CHUK: variants seen among roughly 807,000 people sequenced by gnomAD.
CHUK encodes component of inhibitor of nuclear factor kappa B kinase complex.
CHUK carries 35 observed loss-of-function variants against 104.8 expected under a neutral mutation model. The ratio of observed to expected loss-of-function variants is 0.33; its 90% CI spans 0.26 to 0.44. The LOEUF (loss-of-function observed/expected upper bound fraction) is 0.44. Ranked by LOEUF, CHUK falls within the 20% of genes least tolerant of loss-of-function variation. CHUK has a pLI of 1.00. For missense variants in CHUK, 663 were observed against 902.7 expected (o/e 0.73, Z 3.40); for synonymous variants, 276 against 291.9 (o/e 0.95, Z 0.56).
At position 100,229,576 on chromosome 10, in the gene CHUK, G is replaced by T; in HGVS notation, c.-44C>A. The T allele has an allele frequency of 7.9e-7, 1 of 1,266,062 alleles. No homozygotes were observed. The highest frequency in any genetic ancestry group is 1.1e-6 in the Non-Finnish European group (1 of 917,076). 78.4% of individuals were successfully genotyped at this position (1,266,062 alleles called of 1,614,324 possible). A position where few individuals can be genotyped will look rare whatever the true frequency, so the allele number is the denominator to read the frequency against. On this transcript the variant is annotated 5_prime_UTR_variant, in exon 1 of 21. Transcript: ENST00000370397. ...GCCTCAGGTTCCACAGTTGTTCCAA[G>T]GCCGGTTCCGGGCCGCCGATGCTCG...
rs1845559884 is a variant in CHUK at position 100,205,108 on chromosome 10, A to G, written c.1323T>C (p.Tyr441=). 1 of 1,614,160 alleles carries G rather than the reference A, an allele frequency of 6.2e-7. No individual in the cohort carries two copies. Among genetic ancestry groups the G allele is most frequent in the Non-Finnish European group, 8.5e-7 (1 of 1,179,990 alleles). ...VHYVSGLKED[Y]SRLFQGQRAA... ...CCCTTTGTCCCTGAAAGAGCCTGCT[A>G]TAGTCTTCTTTTAGTCCAGACACAT... The change falls in exon 12 of 21, where the codon TAT becomes TAC. Residue 441 remains tyrosine, a synonymous_variant. Coordinates refer to ENST00000370397, the MANE Select transcript of CHUK (RefSeq NM_001278.5).
intron 9 of CHUK, among the ~76,000 whole-genome samples, 191 bp downstream of exon 9, chr10:100,217,804 G>A (rs1320626769): frequency 6.6e-6 from 1 of 152,190 alleles, no homozygotes; most frequent in Non-Finnish European, 1.5e-5. Flanking sequence ...TTGAACCTGG[G>A]AGGCGCAGGT....
chr10:100,200,706 G>A lies in CHUK; in HGVS notation c.1644C>T (p.Pro548=), dbSNP rs1156362344. ...TCAAGTCTCCCTGACGTCTTCCATA[G>A]GGGCTCTTCTGTAGCTCCATGATTT... ...HAEIMELQKS[P]YGRRQGDLME... The change falls in exon 15 of 21, where the codon CCC becomes CCT. Residue 548 remains proline (P), a synonymous_variant. Coordinates refer to ENST00000370397, the MANE Select transcript of CHUK (RefSeq NM_001278.5). The A allele has an allele frequency of 8.7e-6, 14 of 1,602,668 alleles. No homozygotes were observed. Among genetic ancestry groups the A allele is most frequent in the Non-Finnish European group, 1.1e-5 (13 of 1,170,236 alleles).
At chr10:100,199,101 T>G (rs17883365) in intron 16 of CHUK, among the ~76,000 whole-genome samples, 3,393 of 152,262 alleles carry the variant, frequency 0.022, 71 homozygotes, top group Non-Finnish European at 0.038. Context: ...AATCTAGAAT[T>G]CAAGCCTCTG....
chr10:100,200,133 T>C, intron 15 of CHUK, 113 bp from the exon 16 acceptor site: 1 of 826,348 alleles, frequency 1.2e-6, no homozygotes, highest in Non-Finnish European at 2.1e-6. Flanking sequence ...AGCAAGTTCA[T>C]ATTGCCAACA....
chr10:100,228,839 A>C (rs982115047), intron 1 of CHUK, among the ~76,000 whole-genome samples: 2 of 151,312 alleles, frequency 1.3e-5, no homozygotes, highest in African/African-American at 2.4e-5. Flanking sequence ...CTCTGCACCA[A>C]CTCACCCTCA....
chr10:100,192,613 G>C, intron 19 of CHUK: 1 of 985,878 alleles, frequency 1.0e-6, no homozygotes, highest in Non-Finnish European at 1.2e-6. Context: ...TGGTGCTGTA[G>C]AGGTCTCCAT....
intron 9 of CHUK, among the ~76,000 whole-genome samples, chr10:100,211,285 T>C (rs1181482719): frequency 6.6e-6 from 1 of 152,246 alleles, no homozygotes; most frequent in Non-Finnish European, 1.5e-5. Flanking sequence ...TATTTTATTT[T>C]GTGACAATTT....
At chr10:100,203,044 T>A (rs1425175746) in intron 13 of CHUK, among the ~76,000 whole-genome samples, 1 of 152,092 alleles carries the variant, frequency 6.6e-6, no homozygotes, top group Non-Finnish European at 1.5e-5. Context: ...CAGGCGTGAG[T>A]CACCACCTGG....
intron 1 of CHUK, 126 bp from the exon 2 acceptor site, chr10:100,226,143 C>A: frequency 1.5e-6 from 1 of 660,894 alleles, no homozygotes; most frequent in Non-Finnish European, 2.7e-6. Context: ...TTATCCACAG[C>A]TCTCTTGAGG....
intron 4 of CHUK, 105 bp downstream of exon 4, chr10:100,222,007 A>T: frequency 1.5e-6 from 1 of 659,172 alleles, no homozygotes; most frequent in Non-Finnish European, 2.7e-6. Flanking sequence ...TTGAAATTCT[A>T]TAGACTTTGT....
intron 8 of CHUK, among the ~76,000 whole-genome samples, chr10:100,218,346 C>T (rs1052563020): frequency 9.9e-5 from 15 of 152,194 alleles, no homozygotes; most frequent in African/African-American, 3.6e-4. Context: ...TTACTGACAA[C>T]TCTGACGGAT....
In CHUK at chr10:100,211,780, G is replaced by A. The variant is rs535756125; in HGVS notation, c.934-1991C>T. Among the ~76,000 whole-genome samples the A allele has an allele frequency of 4.2e-4, 64 of 152,206 alleles. 1 individual carries two copies. In the South Asian group the frequency reaches 7.5e-3, roughly 18 times the overall value. ...CCAGATCTTGACTATTGTGAATAAT[G>A]CTGCAATGAACATGGGAGTGCAAAT... On this transcript the variant is annotated intron_variant, in intron 9 of 20. Transcript: ENST00000370397.
intron 1 of CHUK, among the ~76,000 whole-genome samples, chr10:100,227,061 T>G (rs1310221272): frequency 1.3e-5 from 2 of 152,176 alleles, no homozygotes; most frequent in Non-Finnish European, 2.9e-5. Flanking sequence ...ATGCAGGCCT[T>G]TACCACCATG....
At chr10:100,221,922 C>T (rs17880122) in intron 4 of CHUK, among the ~76,000 whole-genome samples, 190 bp downstream of exon 4, 1,536 of 152,270 alleles carry the variant, frequency 0.01, 28 homozygotes, top group African/African-American at 0.035. Context: ...AGGCGTGAGC[C>T]ACCGCACCTA....
Position 100,200,610 on chromosome 10 carries a change from T to TA in CHUK, c.1679+60dup, listed in dbSNP as rs1353736320. On this transcript the variant is annotated intron_variant, in intron 15 of 20. Transcript: ENST00000370397. ...CACTAGAGGTTTAATTTGCCAGATG[T>TA]AAGCAGAAAGAATACAAAATATTAC... 5.9e-6 allele frequency: 5 copies of TA among 852,054 alleles called. 1 individual carries two copies. The Admixed American group carries it at 8.5e-5, about 14-fold the overall frequency. The allele number at this position is 852,054 out of a possible 1,614,324, so 52.8% of individuals were successfully genotyped here. A position where few individuals can be genotyped will look rare whatever the true frequency, so the allele number is the denominator to read the frequency against.
At chr10:100,223,310 A>G (rs1846032198) in intron 2 of CHUK, among the ~76,000 whole-genome samples, 1 of 152,212 alleles carries the variant, frequency 6.6e-6, no homozygotes, top group African/African-American at 2.4e-5. Context: ...TGAAGCACAA[A>G]TTGGCTAAGT....
chr10:100,189,945 C>A, intron 20 of CHUK: 1 of 239,428 alleles, frequency 4.2e-6, no homozygotes, highest in Non-Finnish European at 8.1e-6. Context: ...CTCCTGGGCT[C>A]ATGCAATCCT....
intron 5 of CHUK, among the ~76,000 whole-genome samples, chr10:100,220,375 AAAAG>A (rs1845959094): frequency 6.6e-6 from 1 of 150,536 alleles, no homozygotes; most frequent in African/African-American, 2.5e-5. Flanking sequence ...AAAAGAAAAA[AAAAG>A]CAGGTGCTGT....
Sources: allele counts gnomAD v4.1 joint callset (sites outside exome capture counted in the v4.1 genomes callset), GRCh38; gene constraint gnomAD v4.1.1; transcripts MANE v1.5; gene names NCBI Gene and HGNC (gene_info 2026-07-23, HGNC 2026-07-21).